The following ZNF710 variants were observed in gnomAD, a reference collection of about 807,000 sequenced individuals.
ZNF710 encodes the protein zinc finger protein 710.
In ZNF710, 13 loss-of-function variants were observed where a neutral mutation model predicts 50.6. The observed-to-expected ratio is 0.26, with a 90% CI of 0.17 to 0.41. The LOEUF is 0.41. Among genes scored for constraint, ZNF710 ranks in the 10% least tolerant of loss-of-function variants. ZNF710 has a pLI of 1.00. For missense variants in ZNF710, 721 were observed against 936.6 expected (o/e 0.77, Z 3.01); for synonymous variants, 383 against 397.0 (o/e 0.96, Z 0.42).
intron 1 of ZNF710, among the ~76,000 whole-genome samples, chr15:90,014,185 G>A (rs977610930): frequency 2.0e-5 from 3 of 152,042 alleles, no homozygotes; most frequent in African/African-American, 7.3e-5. Flanking sequence ...GATGCTCTGA[G>A]GTCTCTACTT....
Position 90,073,056 on chromosome 15 carries a change from C to G in ZNF710, c.1459-15C>G. 1 of 1,608,740 alleles carries G rather than the reference C, an allele frequency of 6.2e-7. No individual in the cohort carries two copies. Among genetic ancestry groups the G allele is most frequent in the Non-Finnish European group, 8.5e-7 (1 of 1,176,466 alleles). The stretch of plus-strand genomic sequence containing the variant: ...GCCCATTGTGTGGCCCTGACCATCA[C>G]CCCCCACCCCACAGGGCGTGAAGGA... On this transcript the variant is annotated splice_polypyrimidine_tract_variant and intron_variant, in intron 2 of 4. Transcript: ENST00000268154.
chr15:90,021,448 A>G (rs1301283097), intron 1 of ZNF710, among the ~76,000 whole-genome samples: 1 of 152,194 alleles, frequency 6.6e-6, no homozygotes, highest in African/African-American at 2.4e-5. Context: ...TATATAACCC[A>G]TGGCTATCAC....
intron 1 of ZNF710, among the ~76,000 whole-genome samples, chr15:90,014,206 A>G (rs1300894818): frequency 2.0e-5 from 3 of 152,100 alleles, no homozygotes; most frequent in African/African-American, 7.2e-5. Context: ...GTTCTAAGAC[A>G]CTGACATCCG....
At chr15:90,072,640 G>T (rs1900428379) in intron 2 of ZNF710, among the ~76,000 whole-genome samples, 1 of 152,172 alleles carries the variant, frequency 6.6e-6, no homozygotes, top group East Asian at 1.9e-4. Flanking sequence ...TCCACAGACA[G>T]CGGGCAGACC....
rs80248455 is a variant in ZNF710 at position 90,067,773 on chromosome 15, G to A, written c.636G>A (p.Leu212=). The part of the protein sequence containing the change: ...PSMALPGPEA[L]PTECGFEPPH... ...TGGCGCTGCCTGGGCCAGAGGCCTT[G>A]CCCACAGAGTGTGGGTTCGAGCCAC... The change falls in exon 2 of 5, where the codon TTG becomes TTA. Residue 212 remains leucine (L), a synonymous_variant. Transcript: ENST00000268154. This position sits in a 1 kb window ranked among gnomAD's most constrained non-coding sequence, Gnocchi z 8.1. 2 of 1,586,252 alleles carry A rather than the reference G, an allele frequency of 1.3e-6. No homozygotes were observed. The highest frequency in any genetic ancestry group is 1.7e-6 in the Non-Finnish European group (2 of 1,167,460).
rs1204114299 is a variant in ZNF710, at chr15:90,005,961, A to C, written c.-29+4347A>C. 3.0e-4 allele frequency among the ~76,000 whole-genome samples: 45 copies of C among 152,106 alleles called. 2 individuals are homozygous for C. The highest frequency in any genetic ancestry group is 3.0e-3 in the Admixed American group (45 of 15,254). On this transcript the variant is annotated intron_variant, in intron 1 of 4. Coordinates refer to ENST00000268154, the MANE Select transcript of ZNF710 (RefSeq NM_198526.4). ...TCTAAACCCAGGCTGTCTAACTTCA[A>C]ACTTTGCCTCTCAGGAACGATGATG...
At chr15:90,063,364 C>T (rs1422750718) in intron 1 of ZNF710, among the ~76,000 whole-genome samples, 2 of 152,086 alleles carry the variant, frequency 1.3e-5, no homozygotes, top group Non-Finnish European at 2.9e-5. Context: ...AGCGCACTAC[C>T]CCACCCCTGC....
At chr15:90,071,059 G>A (rs1280162240) in intron 2 of ZNF710, among the ~76,000 whole-genome samples, 3 of 152,082 alleles carry the variant, frequency 2.0e-5, no homozygotes, top group East Asian at 3.9e-4. Context: ...TCAGGAGTTC[G>A]AGGCCAACCT....
At chr15:90,056,536 C>T (rs912153584) in intron 1 of ZNF710, among the ~76,000 whole-genome samples, 4 of 152,148 alleles carry the variant, frequency 2.6e-5, no homozygotes, top group Admixed American at 1.3e-4. Flanking sequence ...TCAGCCCTGC[C>T]GGTGAAGATT....
At chr15:90,033,462 C>G (rs1899006974) in intron 1 of ZNF710, among the ~76,000 whole-genome samples, 1 of 152,164 alleles carries the variant, frequency 6.6e-6, no homozygotes, top group Admixed American at 6.5e-5. Flanking sequence ...CTCGAGATCC[C>G]AACAGGCCAG....
intron 1 of ZNF710, among the ~76,000 whole-genome samples, chr15:90,037,813 G>A (rs1171039369): frequency 2.0e-5 from 3 of 152,186 alleles, no homozygotes; most frequent in Non-Finnish European, 2.9e-5. Context: ...AAGAACTCTG[G>A]ATCTCGAGGG....
At chr15:90,015,595 CTTT>C (rs35261596) in intron 1 of ZNF710, among the ~76,000 whole-genome samples, 13 of 136,748 alleles carry the variant, frequency 9.5e-5, no homozygotes, top group Admixed American at 2.2e-4. Context: ...CAATGCAATT[CTTT>C]TTTTTTTTTT....
rs552694906 is a variant in ZNF710 at position 90,012,474 on chromosome 15, G to A, written c.-29+10860G>A. On this transcript the variant is annotated intron_variant, in intron 1 of 4. Transcript: ENST00000268154. Reference sequence around the variant, plus strand: ...TTTAGTAGAGACGGGGTTTCACCGTGTTAGCCAGGATAGTCTCGATCCCCT... The same window carrying A: ...TTTAGTAGAGACGGGGTTTCACCGTATTAGCCAGGATAGTCTCGATCCCCT... Among the ~76,000 whole-genome samples, 559 of 151,900 alleles carry A rather than the reference G, an allele frequency of 3.7e-3. 1 individual carries two copies. The highest frequency in any genetic ancestry group is 6.8e-3 in the Non-Finnish European group (460 of 67,932).
At chr15:90,036,718 G>A (rs948557778) in intron 1 of ZNF710, among the ~76,000 whole-genome samples, 3 of 152,186 alleles carry the variant, frequency 2.0e-5, no homozygotes, top group African/African-American at 7.2e-5. Context: ...CCAAGACACA[G>A]TCCTGGCCCC....
upstream of ZNF710, among the ~76,000 whole-genome samples, chr15:90,000,860 G>T (rs567093697): frequency 2.0e-5 from 3 of 152,056 alleles, no homozygotes; most frequent in Non-Finnish European, 4.4e-5. Flanking sequence ...GCTTCCCTTG[G>T]GGGGGGCGGG....
chr15:90,013,081 G>C (rs900766632), intron 1 of ZNF710, among the ~76,000 whole-genome samples: 9 of 152,040 alleles, frequency 5.9e-5, no homozygotes, highest in Non-Finnish European at 1.3e-4. Flanking sequence ...TGTGATTTTT[G>C]CTTTTTGTTT....
intron 1 of ZNF710, among the ~76,000 whole-genome samples, chr15:90,007,681 T>G (rs1291617045): frequency 6.6e-6 from 1 of 150,606 alleles, no homozygotes; most frequent in African/African-American, 2.4e-5. Flanking sequence ...CTAGTAAGCC[T>G]CAGAGCCAGG....
chr15:90,019,989 G>C (rs11856803), intron 1 of ZNF710, among the ~76,000 whole-genome samples: 82,835 of 152,054 alleles, frequency 0.54, 23,347 homozygotes, highest in Non-Finnish European at 0.59. Flanking sequence ...ATTTCCTGTG[G>C]AGGCCTCAGA....
intron 1 of ZNF710, among the ~76,000 whole-genome samples, chr15:90,049,711 G>A (rs1182847065): frequency 6.6e-6 from 1 of 152,086 alleles, no homozygotes; most frequent in African/African-American, 2.4e-5. Context: ...CTCCTTCCCA[G>A]GCCCCACTGC....
Sources: gnomAD v4.1 joint callset for allele counts (sites outside exome capture counted in the v4.1 genomes callset) on GRCh38, gnomAD v4.1.1 for gene constraint, Gnocchi (gnomAD v3.1) non-coding constraint, MANE v1.5 for transcripts, NCBI Gene and HGNC (gene_info 2026-07-23, HGNC 2026-07-21) for gene names.